Variants in MARCHF7 observed in about 807,000 individuals in gnomAD.
MARCHF7 encodes membrane associated ring-CH-type finger 7, also known as E3 ubiquitin-protein ligase MARCHF7.
MARCHF7 carries 20 observed loss-of-function variants against 76.5 expected under a neutral mutation model. The ratio of observed to expected loss-of-function variants is 0.26; its 90% CI spans 0.18 to 0.38. MARCHF7 has a LOEUF of 0.38. Ranked by LOEUF, MARCHF7 falls within the 10% of genes least tolerant of loss-of-function variation. MARCHF7 has a pLI of 1.00. For missense variants in MARCHF7, 797 were observed against 812.9 expected (o/e 0.98, Z 0.24); for synonymous variants, 295 against 293.0 (o/e 1.01, Z -0.07).
Position 159,714,591 on chromosome 2 carries a change from A to G in MARCHF7, c.-108A>G, listed in dbSNP as rs1700819304. ...ATTTGTTCCTGTAGCTGAAACATAC[A>G]TTGAATGGTAAGTTAGAGCCCGACA... On this transcript the variant is annotated 5_prime_UTR_variant, in exon 2 of 12. Coordinates refer to ENST00000409175, the MANE Select transcript of MARCHF7 (RefSeq NM_001282805.2). 2 of 152,242 alleles carry G rather than the reference A, an allele frequency of 1.3e-5. No homozygotes were observed. Among genetic ancestry groups the G allele is most frequent in the Admixed American group, 6.5e-5 (1 of 15,292 alleles). The allele number at this position is 152,242 out of a possible 1,614,324, so 9.4% of individuals were successfully genotyped here.
chr2:159,761,027 A>AT (rs34380779), intron 9 of MARCHF7, among the ~76,000 whole-genome samples: 19,627 of 139,862 alleles, frequency 0.14, 1,481 homozygotes, highest in South Asian at 0.21. Flanking sequence ...TAACCATTTA[A>AT]TTTTTTTTTT....
rs753401037 is a variant in MARCHF7 at position 159,743,061 on chromosome 2, T to C, written c.154T>C (p.Ser52Pro). The C allele has an allele frequency of 6.2e-7, 1 of 1,612,352 alleles. No individual in the cohort carries two copies. Among genetic ancestry groups the C allele is most frequent in the South Asian group, 1.1e-5 (1 of 90,834 alleles). ...SSFRLDSEYQ[S>P]TSASASASPF... ...TTAAAAAATTTTTTTGAACTCACAG[T>C]CTACATCAGCATCAGCATCTGCGTC... Residue 52 changes from serine to proline, a missense_variant and splice_region_variant, in exon 5 of 12, where the codon TCT becomes CCT. By Grantham distance (74) the Ser-to-Pro change is moderately conservative (BLOSUM62 -1). Coordinates refer to ENST00000409175, the MANE Select transcript of MARCHF7 (RefSeq NM_001282805.2).
intron 8 of MARCHF7, among the ~76,000 whole-genome samples, chr2:159,759,021 C>A (rs1706675878): frequency 6.6e-6 from 1 of 152,150 alleles, no homozygotes; most frequent in South Asian, 2.1e-4. Flanking sequence ...GGCTTATTAT[C>A]ATAGGGCAGG....
chr2:159,735,014 A>G (rs962594078), intron 4 of MARCHF7, among the ~76,000 whole-genome samples: 7 of 152,118 alleles, frequency 4.6e-5, no homozygotes, highest in African/African-American at 1.7e-4. Context: ...CCTCCAAGGA[A>G]ACACAGCTTG....
chr2:159,743,737 C>CA (rs34531157), intron 5 of MARCHF7, among the ~76,000 whole-genome samples: 18 of 128,446 alleles, frequency 1.4e-4, no homozygotes, highest in East Asian at 2.3e-4. Flanking sequence ...CTGTTTCTAC[C>CA]AAAAAAAAAA....
chr2:159,731,193 G>A (rs910065056), intron 4 of MARCHF7, among the ~76,000 whole-genome samples: 6 of 152,152 alleles, frequency 3.9e-5, no homozygotes, highest in South Asian at 2.1e-4. Flanking sequence ...GCACCTGGCC[G>A]ACATCTTTTT....
Position 159,745,790 on chromosome 2 carries a change from C to G in MARCHF7, c.367C>G (p.Gln123Glu), listed in dbSNP as rs1052169595. Residue 123 changes from glutamine (Q) to glutamate (E), a missense_variant, in exon 6 of 12, where the codon CAA becomes GAA. This residue lies in a region of MARCHF7 where 643 missense variants were observed against 631.5 expected (regional missense o/e 1.02). Coordinates refer to ENST00000409175, the MANE Select transcript of MARCHF7 (RefSeq NM_001282805.2). Reference sequence around the variant, plus strand: ...TTAAGATTCATCTTGGAGGCATAGTCAAGTTCCTAGATCTTCATCAATGGT... The same window carrying G: ...TTAAGATTCATCTTGGAGGCATAGTGAAGTTCCTAGATCTTCATCAATGGT... ...TLSDSSWRHS[Q>E]VPRSSSMVLG... 3 of 1,604,912 alleles carry G rather than the reference C, an allele frequency of 1.9e-6. No individual in the cohort carries two copies. Among genetic ancestry groups the G allele is most frequent in the Admixed American group, 3.4e-5 (2 of 58,000 alleles).
chr2:159,734,104 T>C, intron 4 of MARCHF7: 1 of 1,291,146 alleles, frequency 7.7e-7, no homozygotes, highest in Non-Finnish European at 1.0e-6. Flanking sequence ...TTACATGTTT[T>C]TAAAGGAAAA....
chr2:159,716,176 T>C (rs1416069236), intron 3 of MARCHF7, among the ~76,000 whole-genome samples: 1 of 151,996 alleles, frequency 6.6e-6, no homozygotes, highest in Non-Finnish European at 1.5e-5. Context: ...ACTTTCAAAG[T>C]GATTCCCTCA....
rs1356746840 is a variant in MARCHF7 at position 159,764,253 on chromosome 2, TGTGC to T, written c.2008-371_2008-368del. Among the ~76,000 whole-genome samples, 9 of 123,482 alleles carry T rather than the reference TGTGC, an allele frequency of 7.3e-5. 1 individual carries two copies. The highest frequency in any genetic ancestry group is 2.4e-4 in the African/African-American group (8 of 32,898). The allele number at this position is 123,482 out of a possible 152,430, so 81.0% of individuals were successfully genotyped here. On this transcript the variant is annotated intron_variant, in intron 10 of 11. Transcript: ENST00000409175. ...GTGTGTGTGTGTGTGTGTGTGTGTG[TGTGC>T]GCGCGCCCACTGAAACTGAATTTAT...
intron 9 of MARCHF7, among the ~76,000 whole-genome samples, chr2:159,759,963 G>T (rs971071895): frequency 6.6e-6 from 1 of 152,152 alleles, no homozygotes; most frequent in Non-Finnish European, 1.5e-5. Context: ...CTTTTTAAAT[G>T]TAGGGGTAAT....
intron 3 of MARCHF7, among the ~76,000 whole-genome samples, chr2:159,725,296 C>T (rs1199948823): frequency 2.0e-5 from 3 of 152,198 alleles, no homozygotes; most frequent in African/African-American, 7.2e-5. Context: ...TACAGTCCCA[C>T]CAACAATGTA....
chr2:159,730,631 A>ACAGCCAGGCACAC (rs1702673119), intron 4 of MARCHF7, among the ~76,000 whole-genome samples: 1 of 152,168 alleles, frequency 6.6e-6, no homozygotes, highest in East Asian at 1.9e-4. Flanking sequence ...AGACAAGTTT[A>ACAGCCAGGCACAC]TGATTCCTAG....
intron 9 of MARCHF7, among the ~76,000 whole-genome samples, chr2:159,762,408 T>G (rs1212723438): frequency 2.0e-5 from 3 of 152,258 alleles, no homozygotes; most frequent in African/African-American, 7.2e-5. Context: ...TGTGAATGAT[T>G]AATCTCTTAC....
intron 3 of MARCHF7, among the ~76,000 whole-genome samples, chr2:159,719,783 G>A (rs538758411): frequency 6.6e-6 from 1 of 152,166 alleles, no homozygotes; most frequent in South Asian, 2.1e-4. Context: ...TATCATACAA[G>A]TTTTGACTAA....
intron 7 of MARCHF7, among the ~76,000 whole-genome samples, chr2:159,751,928 A>G (rs1305541509): frequency 2.0e-5 from 3 of 152,194 alleles, no homozygotes; most frequent in African/African-American, 4.8e-5. Context: ...ACAAGCCAGT[A>G]TGTGTTTAAT....
intron 7 of MARCHF7, among the ~76,000 whole-genome samples, chr2:159,749,271 C>T (rs1382874186): frequency 2.0e-5 from 3 of 151,666 alleles, no homozygotes; most frequent in African/African-American, 7.3e-5. Context: ...AGCCACTGTG[C>T]CCAGCCTAAA....
chr2:159,716,444 C>G (rs776876397), intron 3 of MARCHF7, among the ~76,000 whole-genome samples: 2 of 151,908 alleles, frequency 1.3e-5, no homozygotes, highest in African/African-American at 2.4e-5. Context: ...CTCAGGAGTT[C>G]AAGACCATCC....
chr2:159,763,113 G>A, intron 10 of MARCHF7, 120 bp downstream of exon 10: 1 of 497,164 alleles, frequency 2.0e-6, no homozygotes, highest in Non-Finnish European at 3.4e-6. Flanking sequence ...TTTTTTAAAT[G>A]TTTCTTAAAA....
Sources: allele counts gnomAD v4.1 joint callset (sites outside exome capture counted in the v4.1 genomes callset), GRCh38; gene constraint gnomAD v4.1.1; regional missense constraint gnomAD v4.1.1; transcripts MANE v1.5; gene names NCBI Gene and HGNC (gene_info 2026-07-23, HGNC 2026-07-21).